VDAC2: variants seen among roughly 807,000 people sequenced by gnomAD.
VDAC2 encodes non-selective voltage-gated ion channel VDAC2.
A neutral mutation model predicts 36.6 loss-of-function variants in VDAC2; 6 were observed. The observed-to-expected ratio is 0.16, with a 90% CI of 0.09 to 0.32. VDAC2 has a LOEUF of 0.32. Ranked by LOEUF, VDAC2 falls within the 10% of genes least tolerant of loss-of-function variation. The pLI is 1.00. For missense variants in VDAC2, 247 were observed against 346.0 expected (o/e 0.71, Z 2.27); for synonymous variants, 109 against 123.8 (o/e 0.88, Z 0.79).
intron 3 of VDAC2, 70 bp downstream of exon 3, chr10:75,212,368 C>T (rs1841451244): frequency 1.5e-6 from 2 of 1,316,436 alleles, no homozygotes; most frequent in Non-Finnish European, 2.1e-6. Flanking sequence ...TTAGCGAAAT[C>T]AGATCAATCA....
chr10:75,219,283 A>G (rs1346834468), intron 5 of VDAC2, 21 bp from the exon 6 acceptor site: 13 of 1,578,290 alleles, frequency 8.2e-6, no homozygotes, highest in Non-Finnish European at 1.1e-5. Flanking sequence ...AAGAAAACAA[A>G]TTACTTTTCT....
At chr10:75,222,779 G>A (rs912181695) in intron 8 of VDAC2, among the ~76,000 whole-genome samples, 3 of 151,892 alleles carry the variant, frequency 2.0e-5, no homozygotes, top group South Asian at 2.1e-4. Flanking sequence ...CACGACTCCC[G>A]GCACCTTGAC....
At chr10:75,215,647 C>T (rs756193344) in intron 4 of VDAC2, among the ~76,000 whole-genome samples, 14 of 150,720 alleles carry the variant, frequency 9.3e-5, no homozygotes, top group East Asian at 4.0e-4. Flanking sequence ...CCACCGCGCC[C>T]GGCCTATATA....
At chr10:75,228,977 T>C (rs1415022554) in intron 8 of VDAC2, among the ~76,000 whole-genome samples, 2 of 152,156 alleles carry the variant, frequency 1.3e-5, no homozygotes, top group African/African-American at 4.8e-5. Flanking sequence ...CCTAAAATGT[T>C]GGGATTGTGC....
At chr10:75,230,088 A>G (rs1324725717) in intron 9 of VDAC2, among the ~76,000 whole-genome samples, 1 of 152,182 alleles carries the variant, frequency 6.6e-6, no homozygotes. Context: ...GGTTCTGCCT[A>G]TAGTCTTGTT....
chr10:75,220,839 T>G lies in VDAC2; in HGVS notation c.453T>G (p.Gly151=). The change falls in exon 7 of 10, where the codon GGT becomes GGG. Residue 151 remains glycine (G), a synonymous_variant. Coordinates refer to ENST00000332211, the MANE Select transcript of VDAC2 (RefSeq NM_001391963.1). Reference sequence around the variant, plus strand: ...ATTTTGCTGGACCTGCAATCCATGGTTCAGCTGTCTTTGGTTATGAGGGCT... The same window carrying G: ...ATTTTGCTGGACCTGCAATCCATGGGTCAGCTGTCTTTGGTTATGAGGGCT... ...DFDFAGPAIH[G]SAVFGYEGWL... 6.2e-7 allele frequency: 1 copy of G among 1,613,688 alleles called. No individual in the cohort carries two copies. Among genetic ancestry groups the G allele is most frequent in the South Asian group, 1.1e-5 (1 of 91,058 alleles).
At chr10:75,218,966 A>T in intron 4 of VDAC2, 97 bp from the exon 5 acceptor site, 1 of 1,303,896 alleles carries the variant, frequency 7.7e-7, no homozygotes, top group Non-Finnish European at 1.0e-6. Context: ...TGAATTTACC[A>T]AATGTTTCAG....
chr10:75,229,853 TTC>T, intron 9 of VDAC2, 152 bp downstream of exon 9: 2 of 545,306 alleles, frequency 3.7e-6, no homozygotes, highest in Non-Finnish European at 3.0e-6. Flanking sequence ...AATTTTTTAT[TTC>T]TTTTTCTTTG....
chr10:75,214,010 A>C lies in VDAC2; in HGVS notation c.101-11A>C, dbSNP rs748209751. The C allele has an allele frequency of 3.7e-6, 6 of 1,612,790 alleles. No individual in the cohort carries two copies. In the East Asian group the frequency reaches 6.7e-5, roughly 18 times the overall value. On this transcript the variant is annotated splice_polypyrimidine_tract_variant and intron_variant, in intron 3 of 9. Coordinates refer to ENST00000332211, the MANE Select transcript of VDAC2 (RefSeq NM_001391963.1). The stretch of plus-strand genomic sequence containing the variant: ...AATCATTTTGTTTCTTTTGCTGTCT[A>C]TTTGTTGAAGGTTTTGGGTTGGTGA...
In VDAC2 at chr10:75,222,243, A is replaced by G. The variant is rs760863215; in HGVS notation, c.585-9A>G. 1.1e-5 allele frequency: 17 copies of G among 1,612,018 alleles called. No individual in the cohort carries two copies. Among genetic ancestry groups the G allele is most frequent in the African/African-American group, 5.3e-5 (4 of 74,888 alleles). On this transcript the variant is annotated splice_polypyrimidine_tract_variant and intron_variant, in intron 7 of 9. Transcript: ENST00000332211. ...TATTCTAGATCTACTAATTTAAAAT[A>G]TCTTATAGCAATGATGGGACAGAAT... is the stretch of plus-strand genomic sequence containing the variant.
Position 75,219,336 on chromosome 10 carries a change from T to C in VDAC2, c.336T>C (p.Thr112=). The C allele has an allele frequency of 6.2e-7, 1 of 1,600,660 alleles. No individual in the cohort carries two copies. The highest frequency in any genetic ancestry group is 8.5e-7 in the Non-Finnish European group (1 of 1,174,010). ...ICQGLKLTFD[T]TFSPNTGKKS... is the part of the protein sequence containing the mutation. ...AAGGTTTGAAACTGACATTTGATACTACCTTCTCACCAAACACAGGGTAAG... is the reference window on the plus strand; with the variant it reads ...AAGGTTTGAAACTGACATTTGATACCACCTTCTCACCAAACACAGGGTAAG... Residue 112 remains threonine, a synonymous_variant, in exon 6 of 10, where the codon ACT becomes ACC. Transcript: ENST00000332211.
At chr10:75,211,759 A>G in intron 2 of VDAC2, 3 of 1,415,636 alleles carry the variant, frequency 2.1e-6, no homozygotes, top group Non-Finnish European at 2.9e-6. Context: ...AATTCCCAGT[A>G]TTAAATTCTC....
At chr10:75,219,457 C>T (rs1841732887) in intron 6 of VDAC2, 101 bp downstream of exon 6, 2 of 984,748 alleles carry the variant, frequency 2.0e-6, no homozygotes, top group Non-Finnish European at 3.0e-6. Flanking sequence ...ATTAAGCTAC[C>T]TTGTGGTGGT....
At chr10:75,226,462 T>G (rs964448578) in intron 8 of VDAC2, among the ~76,000 whole-genome samples, 2 of 149,084 alleles carry the variant, frequency 1.3e-5, no homozygotes, top group East Asian at 2.0e-4. Context: ...TTTTTTTTTT[T>G]TTTTTTTTTT....
At chr10:75,221,754 G>A (rs1300725800) in intron 7 of VDAC2, among the ~76,000 whole-genome samples, 3 of 152,164 alleles carry the variant, frequency 2.0e-5, no homozygotes, top group African/African-American at 7.2e-5. Context: ...GATTATAGGC[G>A]TGAGCCACTG....
rs565733559 is a variant in VDAC2, at chr10:75,231,089, T to C, written c.*100T>C. The C allele has an allele frequency of 1.3e-5, 11 of 825,224 alleles. No individual in the cohort carries two copies. Among genetic ancestry groups the C allele is most frequent in the Non-Finnish European group, 2.1e-5 (11 of 518,908 alleles). The allele number at this position is 825,224 out of a possible 1,614,324, so 51.1% of individuals were successfully genotyped here. ...AGGCTTTTTTCCCCCAAGAAGATGA[T>C]CAAAACAAAGGATGATCTCAACAAG... On this transcript the variant is annotated 3_prime_UTR_variant, in exon 10 of 10. Transcript: ENST00000332211.
chr10:75,228,796 A>G (rs1842029772), intron 8 of VDAC2, among the ~76,000 whole-genome samples: 1 of 152,264 alleles, frequency 6.6e-6, no homozygotes. Flanking sequence ...AAAGCAAAGC[A>G]AAGTTGCATG....
chr10:75,230,107 A>G (rs1185681121), intron 9 of VDAC2, among the ~76,000 whole-genome samples: 1 of 150,744 alleles, frequency 6.6e-6, no homozygotes, highest in Non-Finnish European at 1.5e-5. Context: ...TTGACTTTAT[A>G]TAATATTTTG....
chr10:75,210,890 T>G lies in VDAC2; in HGVS notation c.-74T>G, dbSNP rs556059717. The G allele has an allele frequency of 1.9e-3, 725 of 377,804 alleles. 6 individuals are homozygous for G. The highest frequency in any genetic ancestry group is 0.014 in the African/African-American group (680 of 47,622). The allele number at this position is 377,804 out of a possible 1,614,324, so 23.4% of individuals were successfully genotyped here. On this transcript the variant is annotated 5_prime_UTR_variant, in exon 1 of 10. Coordinates refer to ENST00000332211, the MANE Select transcript of VDAC2 (RefSeq NM_001391963.1). Reference sequence around the variant, plus strand: ...CCGACCGCGAGCGTGCCAAGCGGCTTCAGCAGCTAGCGGAGCGGTGGCGGC... The same window carrying G: ...CCGACCGCGAGCGTGCCAAGCGGCTGCAGCAGCTAGCGGAGCGGTGGCGGC...
Sources: gnomAD v4.1 joint callset for allele counts (sites outside exome capture counted in the v4.1 genomes callset) on GRCh38, gnomAD v4.1.1 for gene constraint, MANE v1.5 for transcripts, NCBI Gene and HGNC (gene_info 2026-07-23, HGNC 2026-07-21) for gene names.